The following TUB variants were observed in gnomAD, a reference collection of about 807,000 sequenced individuals.
The protein encoded by TUB is TUB bipartite transcription factor.
Under a neutral mutation model 59.7 loss-of-function variants are expected in TUB, and 33 were observed. The ratio of observed to expected loss-of-function variants is 0.55; its 90% CI spans 0.42 to 0.74. The LOEUF is 0.74. TUB is among the 30% of genes least tolerant of loss of function. The pLI, the probability that TUB is intolerant of heterozygous loss-of-function variation, is 0.00. For synonymous variants in TUB, 293 were observed against 256.4 expected (o/e 1.14, Z -1.36); for missense variants, 659 against 672.0 (o/e 0.98, Z 0.21).
At chr11:8,066,074 AC>A (rs1409393849) in intron 2 of TUB, among the ~76,000 whole-genome samples, 1 of 151,808 alleles carries the variant, frequency 6.6e-6, no homozygotes, top group Non-Finnish European at 1.5e-5. Context: ...TAATCATGTC[AC>A]CCCAGAGTTG....
At chr11:8,053,739 G>A (rs1942969922) in intron 2 of TUB, among the ~76,000 whole-genome samples, 2 of 150,130 alleles carry the variant, frequency 1.3e-5, no homozygotes, top group Admixed American at 6.6e-5. Context: ...CTGACCTCGC[G>A]ATCCGCCTGC....
chr11:8,019,521 G>A (rs1004055067), intron 1 of TUB, among the ~76,000 whole-genome samples: 1 of 152,130 alleles, frequency 6.6e-6, no homozygotes, highest in Non-Finnish European at 1.5e-5. Context: ...CCTCGGGTAC[G>A]GCGCAGCGGA....
At chr11:8,094,492 A>G (rs1006534424) in intron 4 of TUB, among the ~76,000 whole-genome samples, 10 of 151,764 alleles carry the variant, frequency 6.6e-5, no homozygotes, top group Admixed American at 3.3e-4. Context: ...CTTTATCATG[A>G]CCCCTCAAGG....
At chr11:8,053,121 T>A (rs1250502131) in intron 2 of TUB, among the ~76,000 whole-genome samples, 1 of 152,206 alleles carries the variant, frequency 6.6e-6, no homozygotes, top group Non-Finnish European at 1.5e-5. Context: ...ATCCAAGACC[T>A]CTTTGGTATC....
chr11:8,049,515 C>G (rs955046588), intron 2 of TUB, among the ~76,000 whole-genome samples: 5 of 149,558 alleles, frequency 3.3e-5, no homozygotes, highest in Non-Finnish European at 1.5e-5. Context: ...GCTTATTGCC[C>G]AGGCCACCTT....
chr11:8,050,799 TTCTG>T (rs1367542528), intron 2 of TUB, among the ~76,000 whole-genome samples: 1 of 152,252 alleles, frequency 6.6e-6, no homozygotes, highest in African/African-American at 2.4e-5. Context: ...TTTTCTGCTC[TTCTG>T]TCTCTTAGCT....
intron 2 of TUB, among the ~76,000 whole-genome samples, chr11:8,045,206 C>T (rs1378378080): frequency 6.6e-6 from 1 of 151,940 alleles, no homozygotes; most frequent in African/African-American, 2.4e-5. Flanking sequence ...CAAGAGTCAC[C>T]TCATTAGAAT....
At chr11:8,090,857 A>G (rs1455391290) in intron 3 of TUB, among the ~76,000 whole-genome samples, 2 of 151,460 alleles carry the variant, frequency 1.3e-5, no homozygotes, top group Non-Finnish European at 2.9e-5. Context: ...CTCTGTTCTC[A>G]GGACCCTCCT....
At chr11:8,037,080 AAG>A (rs1942657067), upstream of TUB, among the ~76,000 whole-genome samples, 1 of 152,146 alleles carries the variant, frequency 6.6e-6, no homozygotes. Flanking sequence ...AGACACCTGA[AAG>A]AGAGTTTCTG....
At chr11:8,039,654 C>A in exon 2 of TUB, 2 of 1,520,558 alleles carry the variant, frequency 1.3e-6, no homozygotes, top group South Asian at 1.3e-5. Flanking sequence ...GGAGAACAAC[C>A]AGGAGGAAGT....
Position 8,104,303 on chromosome 11 carries a change from C to G in TUB, c.*2684C>G, listed in dbSNP as rs1239839677. 6.6e-6 allele frequency: 1 copy of G among 152,104 alleles called. No individual in the cohort carries two copies. Among genetic ancestry groups the G allele is most frequent in the Admixed American group, 6.5e-5 (1 of 15,272 alleles). 9.4% of individuals were successfully genotyped at this position (152,104 alleles called of 1,614,324 possible). Reference sequence around the variant, plus strand: ...TCTGTAACCGCTTCTGGGGCCACACCCCAAAACTCTACACCCTCTGCCCCA... The same window carrying G: ...TCTGTAACCGCTTCTGGGGCCACACGCCAAAACTCTACACCCTCTGCCCCA... On this transcript the variant is annotated 3_prime_UTR_variant, in exon 12 of 12. Transcript: ENST00000299506.
chr11:8,060,150 G>A (rs1943095562), intron 2 of TUB: 1 of 152,608 alleles, frequency 6.6e-6, no homozygotes, highest in Non-Finnish European at 1.5e-5. Context: ...GCTCAGGGGA[G>A]CCATCAGGAA....
chr11:8,100,974 TC>T lies in TUB; in HGVS notation c.1366del (p.Gln456ArgfsTer12). The T allele has an allele frequency of 6.2e-7, 1 of 1,614,148 alleles. No homozygotes were observed. Among genetic ancestry groups the T allele is most frequent in the Non-Finnish European group, 8.5e-7 (1 of 1,180,022 alleles). On this transcript the variant is annotated frameshift_variant, in exon 11 of 12. Coordinates refer to ENST00000299506, the MANE Select transcript of TUB (RefSeq NM_177972.3). LOFTEE classifies it high-confidence loss of function. ...GRVTQASVKN[F>X]QIIHGNDPDY... ...GTCACACAGGCCTCCGTGAAGAACT[TC>T]CAGATCATCCATGGCAATGACCGTG...
rs367552515 is a variant in TUB, at chr11:8,032,132, G to A, written c.56+12774G>A. ...CTGGGGAAAGGCCGGGAGCGCCTGG[G>A]GAAAGGCCTGGGGAAAGGCCGGGAG... is the stretch of plus-strand genomic sequence containing the variant. On this transcript the variant is annotated intron_variant, in intron 1 of 11. Transcript: ENST00000534099. Among the ~76,000 whole-genome samples, 4 of 152,142 alleles carry A rather than the reference G, an allele frequency of 2.6e-5. No individual in the cohort carries two copies. In the East Asian group the frequency reaches 7.7e-4, roughly 29 times the overall value.
At position 8,019,956 on chromosome 11, in the gene TUB, G is replaced by C. The variant is rs1589915661; in HGVS notation, c.56+598G>C. ...GCCAGGCTCCGCGCCCGCCCCGCGGGGATGGCGAGCGGCTGCCGGCGTGGG... is the reference window on the plus strand; with the variant it reads ...GCCAGGCTCCGCGCCCGCCCCGCGGCGATGGCGAGCGGCTGCCGGCGTGGG... On this transcript the variant is annotated intron_variant, in intron 1 of 11. Transcript: ENST00000534099. Among the ~76,000 whole-genome samples the C allele has an allele frequency of 3.3e-5, 5 of 152,342 alleles. No homozygotes were observed. In the South Asian group the frequency reaches 8.3e-4, roughly 25 times the overall value.
intron 1 of TUB, among the ~76,000 whole-genome samples, chr11:8,026,663 T>C (rs1609254): frequency 0.31 from 47,861 of 152,092 alleles, 7,985 homozygotes; most frequent in East Asian, 0.52. Context: ...CTTATAAGTA[T>C]TGAAATCTGG....
At chr11:8,060,701 C>G (rs886715310) in intron 2 of TUB, among the ~76,000 whole-genome samples, 1 of 152,168 alleles carries the variant, frequency 6.6e-6, no homozygotes, top group African/African-American at 2.4e-5. Flanking sequence ...GAGCCACTTG[C>G]ATTTATGTTT....
At position 8,096,672 on chromosome 11, in the gene TUB, C is replaced by A; in HGVS notation, c.566-13C>A. 1 of 1,554,132 alleles carries A rather than the reference C, an allele frequency of 6.4e-7. No individual in the cohort carries two copies. Among genetic ancestry groups the A allele is most frequent in the Non-Finnish European group, 8.9e-7 (1 of 1,125,268 alleles). On this transcript the variant is annotated splice_polypyrimidine_tract_variant and intron_variant, in intron 5 of 11. Transcript: ENST00000299506. ...CTCCTCCTTCATCCCTTCTTCTTCT[C>A]TCCTTGGCCCAGGCATCTCCAGCAG...
intron 2 of TUB, chr11:8,068,971 C>G (rs963623109): frequency 6.6e-6 from 1 of 152,228 alleles, no homozygotes; most frequent in African/African-American, 2.4e-5. Flanking sequence ...TTTCTGCACT[C>G]CCGTCGAGTC....
Sources: allele counts gnomAD v4.1 joint callset (sites outside exome capture counted in the v4.1 genomes callset), GRCh38; gene constraint gnomAD v4.1.1; transcripts MANE v1.5; gene names NCBI Gene and HGNC (gene_info 2026-07-23, HGNC 2026-07-21).